The following GALC variants were observed in gnomAD, a reference collection of about 807,000 sequenced individuals.
GALC encodes the protein galactocerebrosidase.
Under a neutral mutation model 91.8 loss-of-function variants are expected in GALC, and 77 were observed. The ratio of observed to expected loss-of-function variants is 0.84; its 90% CI spans 0.70 to 1.01. The LOEUF (loss-of-function observed/expected upper bound fraction) is 1.01, where lower values mean the gene tolerates loss of function less well. GALC is among the 50% of genes least tolerant of loss of function. GALC has a pLI of 0.00. For synonymous variants in GALC, 357 were observed against 306.7 expected, an observed-to-expected ratio of 1.16 and a Z score of -1.71; for missense variants, 882 against 855.9, an observed-to-expected ratio of 1.03 and a Z score of -0.38.
At chr14:87,937,741 GA>G (rs1884646019) in intron 16 of GALC, among the ~76,000 whole-genome samples, 1 of 151,174 alleles carries the variant, frequency 6.6e-6, no homozygotes, top group Non-Finnish European at 1.5e-5. Context: ...CAAAGTACCT[GA>G]AAAAAATTAA....
At chr14:87,944,853 T>C (rs1885000091) in intron 14 of GALC, among the ~76,000 whole-genome samples, 1 of 151,980 alleles carries the variant, frequency 6.6e-6, no homozygotes, top group African/African-American at 2.4e-5. Flanking sequence ...GTATTACTAG[T>C]ACTAGCTCTA....
intron 7 of GALC, among the ~76,000 whole-genome samples, chr14:87,973,694 T>G (rs1420657144): frequency 6.6e-6 from 1 of 151,740 alleles, no homozygotes; most frequent in East Asian, 1.9e-4. Context: ...AAACCAAGAG[T>G]ATTAGTATGA....
intron 5 of GALC, 120 bp downstream of exon 5, chr14:87,984,274 T>C: frequency 1.1e-6 from 1 of 949,436 alleles, no homozygotes. Flanking sequence ...TCAGACACCA[T>C]TAGAACAAAT....
intron 9 of GALC, 78 bp downstream of exon 9, chr14:87,965,427 T>C: frequency 4.1e-6 from 6 of 1,456,304 alleles, no homozygotes; most frequent in Non-Finnish European, 5.8e-6. Flanking sequence ...ACACAGTTTA[T>C]ATAATCTTCT....
intron 16 of GALC, among the ~76,000 whole-genome samples, chr14:87,935,517 AG>A (rs1884533823): frequency 6.6e-6 from 1 of 152,104 alleles, no homozygotes; most frequent in African/African-American, 2.4e-5. Context: ...GGCATCTATA[AG>A]GTGTGACTTA....
At chr14:87,936,914 T>TGTATATATATA in intron 16 of GALC, among the ~76,000 whole-genome samples, 2 of 105,638 alleles carry the variant, frequency 1.9e-5, no homozygotes, top group East Asian at 3.5e-4. Context: ...ATATATATAT[T>TGTATATATATA]TATTTATTTT....
rs752371343 is a variant in GALC at position 87,993,008 on chromosome 14, G to A, written c.157C>T (p.Arg53Trp). The A allele has an allele frequency of 1.0e-5, 16 of 1,540,776 alleles. No individual in the cohort carries two copies. The highest frequency in any genetic ancestry group is 1.3e-5 in the Non-Finnish European group (15 of 1,151,122). ...YVLDDSDGLGREFDGIGAVSG... is the reference protein window; with the variant it reads ...YVLDDSDGLGWEFDGIGAVSG... ...ACCGCGCCGATGCCGTCGAACTCCC[G>A]GCCCAGCCCGTCGGAGTCGTCGAGC... Residue 53 changes from arginine (R) to tryptophan (W), a missense_variant, in exon 1 of 17, where the codon CGG becomes TGG. Arg to Trp is a moderately radical substitution (Grantham distance 101, BLOSUM62 -3). Coordinates refer to ENST00000261304, the MANE Select transcript of GALC (RefSeq NM_000153.4).
At chr14:87,980,259 T>C (rs1303982606) in intron 6 of GALC, among the ~76,000 whole-genome samples, 2 of 151,962 alleles carry the variant, frequency 1.3e-5, no homozygotes, top group Non-Finnish European at 2.9e-5. Flanking sequence ...GGTGGGCACC[T>C]GTAATCCCAG....
chr14:87,963,490 T>G lies in GALC; in HGVS notation c.1055A>C (p.Gln352Pro). 6.2e-7 allele frequency: 1 copy of G among 1,612,898 alleles called. No individual in the cohort carries two copies. The highest frequency in any genetic ancestry group is 2.2e-5 in the East Asian group (1 of 44,822). Reference sequence around the variant, plus strand: ...TGTCTTCAGGTAATACCAGCCAGGTTGAGTAAACTGAGTGGTATGAGCTAT... The same window carrying G: ...TGTCTTCAGGTAATACCAGCCAGGTGGAGTAAACTGAGTGGTATGAGCTAT... ...WVSAHTTQFT[Q>P]PGWYYLKTVG... The change falls in exon 10 of 17, where the codon CAA (glutamine) becomes CCA (proline). Residue 352 changes from glutamine to proline, a missense_variant. By Grantham distance (76) the Gln-to-Pro change is moderately conservative. Coordinates refer to ENST00000261304, the MANE Select transcript of GALC (RefSeq NM_000153.4).
chr14:87,934,573 C>G lies in GALC; in HGVS notation c.*159G>C. The G allele has an allele frequency of 6.7e-7, 1 of 1,487,284 alleles. No individual in the cohort carries two copies. The highest frequency in any genetic ancestry group is 8.9e-7 in the Non-Finnish European group (1 of 1,125,520). The allele number at this position is 1,487,284 out of a possible 1,614,324, so 92.1% of individuals were successfully genotyped here. On this transcript the variant is annotated 3_prime_UTR_variant, in exon 17 of 17. Transcript: ENST00000261304. ...GAATTAATTCTAATAAAATCTTCCA[C>G]AGGGTAAATTAAAAATAAATTTCTC...
chr14:87,973,568 T>A (rs1566998047), intron 7 of GALC, among the ~76,000 whole-genome samples: 1 of 152,160 alleles, frequency 6.6e-6, no homozygotes, highest in Non-Finnish European at 1.5e-5. Flanking sequence ...AAATTAAAAC[T>A]AAGATAATTC....
At chr14:87,993,580 T>C, upstream of GALC, 2 of 1,086,220 alleles carry the variant, frequency 1.8e-6, no homozygotes, top group Non-Finnish European at 2.7e-6. Flanking sequence ...GGAATCACTT[T>C]GCTTTTGGAG....
At chr14:87,942,471 T>C (rs558311996) in intron 14 of GALC, among the ~76,000 whole-genome samples, 70 of 152,096 alleles carry the variant, frequency 4.6e-4, no homozygotes, top group Non-Finnish European at 8.8e-4. Flanking sequence ...AACACTTTCC[T>C]TCTGGAATGC....
At position 87,982,249 on chromosome 14, in the gene GALC, A is replaced by T. The variant is rs398123176; in HGVS notation, c.583-6T>A. The T allele has an allele frequency of 1.9e-6, 3 of 1,573,996 alleles. No homozygotes were observed. Among genetic ancestry groups the T allele is most frequent in the Non-Finnish European group, 1.7e-6 (2 of 1,144,442 alleles). On this transcript the variant is annotated splice_polypyrimidine_tract_variant and splice_region_variant and intron_variant, in intron 5 of 16. Coordinates refer to ENST00000261304, the MANE Select transcript of GALC (RefSeq NM_000153.4). ...TATGACCTCTCATTCCAAATCTGCA[A>T]AACAAAAAGTCAAAAAAGTCTGAAT...
chr14:87,968,734 G>C (rs1886159754), intron 7 of GALC, among the ~76,000 whole-genome samples: 1 of 152,118 alleles, frequency 6.6e-6, no homozygotes, highest in African/African-American at 2.4e-5. Context: ...ATACAGGATA[G>C]GAAGGAAAAT....
intron 8 of GALC, among the ~76,000 whole-genome samples, chr14:87,966,754 C>T (rs1886071782): frequency 6.6e-6 from 1 of 152,118 alleles, no homozygotes; most frequent in South Asian, 2.1e-4. Flanking sequence ...GTATTTCTGA[C>T]CATTCCATTT....
intron 14 of GALC, among the ~76,000 whole-genome samples, chr14:87,944,311 A>G (rs1308400827): frequency 6.6e-6 from 1 of 151,950 alleles, no homozygotes; most frequent in Non-Finnish European, 1.5e-5. Context: ...AGAGCCCTCT[A>G]TGGTATTCAA....
At chr14:87,969,005 G>T (rs1320873687) in intron 7 of GALC, among the ~76,000 whole-genome samples, 1 of 152,116 alleles carries the variant, frequency 6.6e-6, no homozygotes, top group East Asian at 1.9e-4. Flanking sequence ...TTAGAACACA[G>T]AAAGATAGCT....
chr14:87,950,772 TTATC>T, intron 10 of GALC, 24 bp from the exon 11 acceptor site: 4 of 1,495,230 alleles, frequency 2.7e-6, no homozygotes, highest in Non-Finnish European at 3.7e-6. Flanking sequence ...ATCACATACA[TTATC>T]CAAATGATGT....
Sources: allele counts gnomAD v4.1 joint callset (sites outside exome capture counted in the v4.1 genomes callset), GRCh38; gene constraint gnomAD v4.1.1; transcripts MANE v1.5; gene names NCBI Gene and HGNC (gene_info 2026-07-23, HGNC 2026-07-21).